Variants in HDAC11 observed in about 807,000 individuals in gnomAD.
HDAC11 encodes histone deacetylase 11.
Under a neutral mutation model 41.1 loss-of-function variants are expected in HDAC11, and 23 were observed. The ratio of observed to expected loss-of-function variants is 0.56; its 90% CI spans 0.40 to 0.79. The LOEUF is 0.79. HDAC11 is among the 30% of genes least tolerant of loss of function. HDAC11 has a pLI of 0.00. For missense variants in HDAC11, 402 were observed against 477.3 expected, an observed-to-expected ratio of 0.84 and a Z score of 1.47; for synonymous variants, 187 against 186.6, an observed-to-expected ratio of 1.00 and a Z score of -0.02.
chr3:13,504,051 T>G, intron 8 of HDAC11, 43 bp from the exon 9 acceptor site: 1 of 1,589,064 alleles, frequency 6.3e-7, no homozygotes, highest in African/African-American at 1.3e-5. Flanking sequence ...GAGCCTCAGT[T>G]TCCCTTCTCT....
intron 3 of HDAC11, among the ~76,000 whole-genome samples, chr3:13,486,678 A>G (rs1701606001): frequency 6.7e-6 from 1 of 149,928 alleles, no homozygotes; most frequent in South Asian, 2.1e-4. Context: ...TCTTGGTTCA[A>G]GCGATTCTCC....
intron 5 of HDAC11, among the ~76,000 whole-genome samples, chr3:13,499,335 A>G (rs1702248838): frequency 1.3e-5 from 2 of 151,920 alleles, no homozygotes; most frequent in South Asian, 4.2e-4. Context: ...ATGCCCGGCT[A>G]ATTTTGTATT....
At chr3:13,500,581 A>G (rs1437220511) in intron 5 of HDAC11, 132 bp from the exon 6 acceptor site, 1 of 727,742 alleles carries the variant, frequency 1.4e-6, no homozygotes, top group Non-Finnish European at 2.3e-6. Context: ...TAGTTTGCCA[A>G]CCCAGAGTCC....
intron 5 of HDAC11, among the ~76,000 whole-genome samples, 162 bp from the exon 6 acceptor site, chr3:13,500,551 A>G (rs1559379987): frequency 2.0e-5 from 3 of 152,144 alleles, no homozygotes; most frequent in Non-Finnish European, 4.4e-5. Context: ...GGGGATGGTG[A>G]CATGCCCCAG....
intron 3 of HDAC11, among the ~76,000 whole-genome samples, chr3:13,491,517 T>C (rs1371301161): frequency 2.6e-5 from 4 of 152,052 alleles, no homozygotes; most frequent in African/African-American, 9.7e-5. Context: ...AGGACCCACC[T>C]AAAGCAAGCA....
intron 8 of HDAC11, 63 bp downstream of exon 8, chr3:13,503,043 G>A (rs1702447079): frequency 8.0e-7 from 1 of 1,255,780 alleles, no homozygotes; most frequent in Non-Finnish European, 1.2e-6. Flanking sequence ...TCTCCTGAGT[G>A]TCTCCTGTCT....
chr3:13,502,089 ACT>A lies in HDAC11; in HGVS notation c.552+159_552+160del. 3 of 647,908 alleles carry A rather than the reference ACT, an allele frequency of 4.6e-6. No individual in the cohort carries two copies. The highest frequency in any genetic ancestry group is 2.6e-5 in the Admixed American group (1 of 38,972). The allele number at this position is 647,908 out of a possible 1,614,324, so 40.1% of individuals were successfully genotyped here. A position where few individuals can be genotyped will look rare whatever the true frequency, so the allele number is the denominator to read the frequency against. Reference sequence around the variant, plus strand: ...TACAAATGCAGGGTCTGTCTTTGTCACTCTGTCCAGGACAGCGGGTCCTCCTC... The same window carrying A: ...TACAAATGCAGGGTCTGTCTTTGTCACTGTCCAGGACAGCGGGTCCTCCTC... On this transcript the variant is annotated intron_variant, in intron 7 of 9. Transcript: ENST00000295757. This position sits in a 1 kb window ranked among gnomAD's most constrained non-coding sequence, Gnocchi z 4.1.
chr3:13,504,413 TC>T (rs750246289), intron 9 of HDAC11, 54 bp from the exon 10 acceptor site: 2 of 1,602,406 alleles, frequency 1.2e-6, no homozygotes, highest in African/African-American at 1.3e-5. Flanking sequence ...CAGCAGGACT[TC>T]CTGACACCAT....
At chr3:13,486,932 G>A (rs1262652377) in intron 3 of HDAC11, among the ~76,000 whole-genome samples, 1 of 152,144 alleles carries the variant, frequency 6.6e-6, no homozygotes, top group Non-Finnish European at 1.5e-5. Context: ...CTGGAGGGTG[G>A]AGGGGACTTG....
intron 3 of HDAC11, among the ~76,000 whole-genome samples, chr3:13,495,452 C>T (rs1319440165): frequency 2.0e-5 from 3 of 152,164 alleles, no homozygotes; most frequent in Non-Finnish European, 4.4e-5. Context: ...CCTCACAGGC[C>T]CCAGACCCGA....
At chr3:13,486,253 G>A (rs1701560937) in intron 3 of HDAC11, among the ~76,000 whole-genome samples, 1 of 106,574 alleles carries the variant, frequency 9.4e-6, no homozygotes, top group Non-Finnish European at 1.7e-5. Context: ...GGCAATAAGA[G>A]TGAAACTCCA....
At chr3:13,494,154 A>G (rs910846023) in intron 3 of HDAC11, among the ~76,000 whole-genome samples, 1 of 152,198 alleles carries the variant, frequency 6.6e-6, no homozygotes. Context: ...TGTGGAGCAC[A>G]CGAGAGAATG....
At chr3:13,498,388 G>A in intron 4 of HDAC11, 125 bp from the exon 5 acceptor site, 1 of 1,203,706 alleles carries the variant, frequency 8.3e-7, no homozygotes, top group Non-Finnish European at 1.2e-6. Context: ...CTGCCTTGTA[G>A]CTCAGCTCAT....
intron 3 of HDAC11, among the ~76,000 whole-genome samples, chr3:13,491,068 TTGTGTGTGTGTGTG>T (rs58333021): frequency 0.015 from 2,112 of 140,400 alleles, 45 homozygotes; most frequent in African/African-American, 0.052. Context: ...GCTTTAATAG[TTGTGTGTGTGTGTG>T]TGTGTGTGTG....
chr3:13,486,768 GA>G (rs2125001417), intron 3 of HDAC11, among the ~76,000 whole-genome samples: 1 of 151,882 alleles, frequency 6.6e-6, no homozygotes. Context: ...AGTAGAGACG[GA>G]GTTTTCACCA....
Position 13,496,870 on chromosome 3 carries a change from GCAT to G in HDAC11, c.369+19_369+21del. On this transcript the variant is annotated intron_variant, in intron 4 of 9. Transcript: ENST00000295757. The stretch of plus-strand genomic sequence containing the variant: ...CCATAATGGTAGGTGGGGTGGGGGG[GCAT>G]GGCTGGGCTGGGGGCCCCCACACCC... The G allele has an allele frequency of 5.1e-6, 7 of 1,384,922 alleles. No individual in the cohort carries two copies. The highest frequency in any genetic ancestry group is 2.6e-5 in the East Asian group (1 of 38,696). The allele number at this position is 1,384,922 out of a possible 1,614,324, so 85.8% of individuals were successfully genotyped here. A position where few individuals can be genotyped will look rare whatever the true frequency, so the allele number is the denominator to read the frequency against.
In HDAC11 at chr3:13,502,314, C is replaced by T. The variant is rs763048510; in HGVS notation, c.552+381C>T. On this transcript the variant is annotated intron_variant, in intron 7 of 9. Transcript: ENST00000295757. This position sits in a 1 kb window ranked among gnomAD's most constrained non-coding sequence, Gnocchi z 4.1. ...TGCCCCTCAGGCGGATGCCCACACA[C>T]ATGGCTTGGCTCGGGCACCTGGGGT... 10 of 228,306 alleles carry T rather than the reference C, an allele frequency of 4.4e-5. No individual in the cohort carries two copies. The highest frequency in any genetic ancestry group is 1.7e-3 in the Middle Eastern group (1 of 596). 14.1% of individuals were successfully genotyped at this position (228,306 alleles called of 1,614,324 possible).
At chr3:13,498,889 G>C (rs1471956349) in intron 5 of HDAC11, among the ~76,000 whole-genome samples, 4 of 152,050 alleles carry the variant, frequency 2.6e-5, no homozygotes. Flanking sequence ...GGGCAGCTCA[G>C]CATGGTCTGA....
In HDAC11 at chr3:13,501,946, C is replaced by T; in HGVS notation, c.552+13C>T. On this transcript the variant is annotated intron_variant, in intron 7 of 9. Coordinates refer to ENST00000295757, the MANE Select transcript of HDAC11 (RefSeq NM_024827.4). ...TGATGCCCATCAGGTGAGTGCCCTG[C>T]AGGGGCTGGACTCTTAGGGGACCTG... The T allele has an allele frequency of 6.2e-7, 1 of 1,611,496 alleles. No homozygotes were observed. Among genetic ancestry groups the T allele is most frequent in the Non-Finnish European group, 8.5e-7 (1 of 1,177,792 alleles).
Sources: gnomAD v4.1 joint callset for allele counts (sites outside exome capture counted in the v4.1 genomes callset) on GRCh38, gnomAD v4.1.1 for gene constraint, Gnocchi (gnomAD v3.1) non-coding constraint, MANE v1.5 for transcripts, NCBI Gene and HGNC (gene_info 2026-07-23, HGNC 2026-07-21) for gene names.